Variants in STXBP6 observed in about 807,000 individuals in gnomAD.
STXBP6 encodes the protein syntaxin-binding protein 6.
In STXBP6, 21 loss-of-function variants were observed where a neutral mutation model predicts 26.9. The ratio of observed to expected loss-of-function variants is 0.78; its 90% CI spans 0.55 to 1.12. The LOEUF is 1.12. STXBP6 is among the 50% of genes most tolerant of loss of function. The pLI, the probability that STXBP6 is intolerant of heterozygous loss-of-function variation, is 0.00. For missense variants in STXBP6, 232 were observed against 257.9 expected (o/e 0.90, Z 0.69); for synonymous variants, 97 against 92.6 (o/e 1.05, Z -0.27).
At chr14:24,897,448 AG>A (rs1372505203) in intron 2 of STXBP6, among the ~76,000 whole-genome samples, 1 of 150,746 alleles carries the variant, frequency 6.6e-6, no homozygotes, top group African/African-American at 2.4e-5. Flanking sequence ...AAAAAGAAAA[AG>A]TTTTTTTTAT....
At chr14:25,020,036 A>T (rs2140420680) in intron 1 of STXBP6, among the ~76,000 whole-genome samples, 1 of 152,240 alleles carries the variant, frequency 6.6e-6, no homozygotes, top group Non-Finnish European at 1.5e-5. Context: ...TTACTGCCAA[A>T]GCCTGATATA....
chr14:24,957,699 C>CT (rs1306407497), intron 2 of STXBP6, among the ~76,000 whole-genome samples: 5 of 152,184 alleles, frequency 3.3e-5, no homozygotes, highest in African/African-American at 1.2e-4. Context: ...CACTAGCCCT[C>CT]TAAGATAGGT....
rs191316542 is a variant in STXBP6, at chr14:24,949,594, C to T, written c.154+25071G>A. 2.9e-4 allele frequency among the ~76,000 whole-genome samples: 44 copies of T among 152,190 alleles called. No individual in the cohort carries two copies. The East Asian group carries it at 7.5e-3, about 26-fold the overall frequency. On this transcript the variant is annotated intron_variant, in intron 2 of 5. Transcript: ENST00000323944. Reference sequence around the variant, plus strand: ...ATAATTTATAAATGGAAATATTTCTCGAATGTAGAATGAGTGAGAAAATTG... The same window carrying T: ...ATAATTTATAAATGGAAATATTTCTTGAATGTAGAATGAGTGAGAAAATTG...
intron 1 of STXBP6, among the ~76,000 whole-genome samples, chr14:25,024,080 T>C (rs1301093752): frequency 3.3e-5 from 5 of 151,708 alleles, no homozygotes; most frequent in South Asian, 2.1e-4. Context: ...GAGGCCGAGG[T>C]GGGCAGATCA....
intron 1 of STXBP6, among the ~76,000 whole-genome samples, chr14:25,019,312 T>A (rs937008340): frequency 6.6e-6 from 1 of 152,152 alleles, no homozygotes; most frequent in Non-Finnish European, 1.5e-5. Context: ...AGCCTTGAGT[T>A]GTACAGAGAA....
In STXBP6 at chr14:24,811,526, T is replaced by C. The variant is rs1055496744; in HGVS notation, c.*1183A>G. 1 of 152,130 alleles carries C rather than the reference T, an allele frequency of 6.6e-6. No individual in the cohort carries two copies. The highest frequency in any genetic ancestry group is 1.5e-5 in the Non-Finnish European group (1 of 68,012). The allele number at this position is 152,130 out of a possible 1,614,324, so 9.4% of individuals were successfully genotyped here. On this transcript the variant is annotated 3_prime_UTR_variant, in exon 6 of 6. Coordinates refer to ENST00000323944, the MANE Select transcript of STXBP6 (RefSeq NM_001394410.1). ...CTAAGCCCCTTATTATCTTGAGTAA[T>C]AGAAAATCACGAGGTGTGTGACCAA...
At chr14:25,003,020 GC>G (rs556087182) in intron 1 of STXBP6, among the ~76,000 whole-genome samples, 151 of 152,280 alleles carry the variant, frequency 9.9e-4, no homozygotes, top group African/African-American at 2.9e-3. Flanking sequence ...AGCCACCGCG[GC>G]CGGCCTAATG....
chr14:24,832,609 C>T (rs1480872010), intron 4 of STXBP6, among the ~76,000 whole-genome samples: 1 of 152,174 alleles, frequency 6.6e-6, no homozygotes, highest in Non-Finnish European at 1.5e-5. Flanking sequence ...ACATATTTTA[C>T]TTCCCAAGAA....
intron 2 of STXBP6, among the ~76,000 whole-genome samples, chr14:24,972,242 A>G (rs540671086): frequency 5.9e-5 from 9 of 152,332 alleles, no homozygotes; most frequent in African/African-American, 1.4e-4. Context: ...AGCAATTGTC[A>G]TAGTTTTGGA....
At chr14:24,944,728 C>T (rs1282950222) in intron 2 of STXBP6, among the ~76,000 whole-genome samples, 1 of 152,118 alleles carries the variant, frequency 6.6e-6, no homozygotes, top group Admixed American at 6.5e-5. Flanking sequence ...ATAACCACTG[C>T]ACTGCTGTCC....
intron 1 of STXBP6, among the ~76,000 whole-genome samples, chr14:24,981,946 T>G (rs1183477012): frequency 6.6e-6 from 1 of 152,146 alleles, no homozygotes; most frequent in African/African-American, 2.4e-5. Context: ...AACAAGGAGG[T>G]TATAAAACAG....
intron 2 of STXBP6, among the ~76,000 whole-genome samples, chr14:24,944,452 G>A (rs946085190): frequency 3.9e-5 from 6 of 152,196 alleles, no homozygotes; most frequent in Non-Finnish European, 7.3e-5. Flanking sequence ...GCTCTGCTGG[G>A]AGCACATAGG....
intron 2 of STXBP6, among the ~76,000 whole-genome samples, chr14:24,937,700 G>A (rs1187234501): frequency 2.0e-5 from 3 of 152,102 alleles, no homozygotes. Context: ...TTTTAAACAT[G>A]TATATACAGC....
intron 5 of STXBP6, 40 bp from the exon 6 acceptor site, chr14:24,812,772 G>C (rs921011299): frequency 6.2e-7 from 1 of 1,603,118 alleles, no homozygotes; most frequent in African/African-American, 1.3e-5. Flanking sequence ...GACTTTATTA[G>C]CAGGTATTAG....
intron 1 of STXBP6, among the ~76,000 whole-genome samples, chr14:25,030,007 A>G (rs560955078): frequency 6.6e-6 from 1 of 152,338 alleles, no homozygotes; most frequent in African/African-American, 2.4e-5. Flanking sequence ...GAAAGTCTCA[A>G]TTAATCCCCC....
At chr14:24,948,444 G>A (rs1231122285) in intron 2 of STXBP6, among the ~76,000 whole-genome samples, 1 of 152,106 alleles carries the variant, frequency 6.6e-6, no homozygotes, top group Non-Finnish European at 1.5e-5. Context: ...GTGGCATGAA[G>A]GTTCCTCACA....
intron 2 of STXBP6, among the ~76,000 whole-genome samples, chr14:24,871,447 A>G (rs1452034257): frequency 6.6e-6 from 1 of 152,222 alleles, no homozygotes; most frequent in African/African-American, 2.4e-5. Context: ...AGTAGTTGCC[A>G]TGGCTTGAAT....
intron 1 of STXBP6, among the ~76,000 whole-genome samples, chr14:24,991,173 AGAG>A (rs112495862): frequency 0.37 from 55,696 of 149,238 alleles, 13,148 homozygotes; most frequent in African/African-American, 0.68. Context: ...GAGCAGAGAG[AGAG>A]GAGGAGGAGG....
At chr14:24,956,963 C>T (rs994174185) in intron 2 of STXBP6, among the ~76,000 whole-genome samples, 3 of 152,136 alleles carry the variant, frequency 2.0e-5, no homozygotes, top group East Asian at 3.8e-4. Flanking sequence ...TCCCTGAAGA[C>T]GGAGTCACAT....
Sources: allele counts gnomAD v4.1 joint callset (sites outside exome capture counted in the v4.1 genomes callset), GRCh38; gene constraint gnomAD v4.1.1; transcripts MANE v1.5; gene names NCBI Gene and HGNC (gene_info 2026-07-23, HGNC 2026-07-21).